Variants in SYNE1 observed in about 807,000 individuals in gnomAD.
The protein encoded by SYNE1 is spectrin repeat containing nuclear envelope protein 1.
SYNE1 carries 616 observed loss-of-function variants against 1,111.0 expected under a neutral mutation model. The observed-to-expected ratio is 0.55, with a 90% CI of 0.52 to 0.59. The LOEUF is 0.59. SYNE1 is among the 20% of genes least tolerant of loss of function. The probability of loss-of-function intolerance (pLI) is 0.00; values close to 1 mark genes in which losing one functional copy is unlikely to be tolerated. For missense variants in SYNE1, 10,006 were observed against 10,417.0 expected, an observed-to-expected ratio of 0.96 and a Z score of 1.72; for synonymous variants, 3,855 against 3,825.8, an observed-to-expected ratio of 1.01 and a Z score of -0.28.
chr6:152,510,611 T>A (rs2099080251), intron 7 of SYNE1, among the ~76,000 whole-genome samples: 1 of 152,138 alleles, frequency 6.6e-6, no homozygotes, highest in Admixed American at 6.6e-5. Flanking sequence ...ATTAATCAAC[T>A]AAAACCTAAT....
rs1194463600 is a variant in SYNE1 at position 152,330,604 on chromosome 6, A to T, written c.14081T>A (p.Phe4694Tyr). The T allele has an allele frequency of 6.2e-7, 1 of 1,613,448 alleles. No homozygotes were observed. Among genetic ancestry groups the T allele is most frequent in the Non-Finnish European group, 8.5e-7 (1 of 1,180,014 alleles). Reference sequence around the variant, plus strand: ...GGTGGGAACTTTGCTCATCCTCAAGAATTGGGCTTCAAGTTCACTCAGAGA... The same window carrying T: ...GGTGGGAACTTTGCTCATCCTCAAGTATTGGGCTTCAAGTTCACTCAGAGA... ...TQSLSELEAQ[F>Y]LRMSKVPTDL... The change falls in exon 78 of 146, where the codon TTC becomes TAC. Residue 4694 changes from phenylalanine (F) to tyrosine (Y), a missense_variant. Physicochemically the swap from Phe to Tyr is conservative, Grantham distance 22 (BLOSUM62 3). Transcript: ENST00000367255.
rs200455883 is a variant in SYNE1, at chr6:152,244,668, C to T, written c.19573-12G>A. On this transcript the variant is annotated splice_polypyrimidine_tract_variant and intron_variant, in intron 105 of 145. Transcript: ENST00000367255. ...GCCTGTTGTATTGCCTAAGTAAGAT[C>T]CATGACATTTTATTAAAACTCCCAT... The T allele has an allele frequency of 1.2e-6, 2 of 1,613,770 alleles. No homozygotes were observed. Among genetic ancestry groups the T allele is most frequent in the Non-Finnish European group, 1.7e-6 (2 of 1,179,796 alleles).
At chr6:152,253,875 C>T (rs1281137753) in intron 104 of SYNE1, among the ~76,000 whole-genome samples, 2 of 110,018 alleles carry the variant, frequency 1.8e-5, no homozygotes, top group Admixed American at 2.6e-4. Context: ...ATCAAAACTC[C>T]ACATGAAACT....
At chr6:152,563,311 C>G (rs911772106) in intron 3 of SYNE1, among the ~76,000 whole-genome samples, 3 of 152,116 alleles carry the variant, frequency 2.0e-5, no homozygotes, top group Non-Finnish European at 2.9e-5. Flanking sequence ...TCTATAAAAG[C>G]ATACTATTCT....
rs775408828 is a variant in SYNE1, at chr6:152,236,869, C to T, written c.20147G>A (p.Gly6716Asp). Residue 6716 changes from glycine (G) to aspartate (D), a missense_variant, in exon 109 of 146, where the codon GGT becomes GAT. By Grantham distance (94) the Gly-to-Asp change is moderately conservative. This residue lies in a region of SYNE1 where 2,182 missense variants were observed against 2,287.8 expected (regional missense o/e 0.95). Transcript: ENST00000367255. The part of the protein sequence containing the change: ...EVVESSIPSV[G>D]LVEENEDRLI... ...CCTGTCCTCGTTCTCCTCCACCAGA[C>T]CCACGCTTGGGATGCTGCTTTCCAC... The T allele has an allele frequency of 1.2e-6, 2 of 1,614,164 alleles. No individual in the cohort carries two copies. Among genetic ancestry groups the T allele is most frequent in the South Asian group, 1.1e-5 (1 of 91,088 alleles).
chr6:152,405,721 C>A (rs1273694175), intron 45 of SYNE1, among the ~76,000 whole-genome samples: 1 of 152,136 alleles, frequency 6.6e-6, no homozygotes, highest in African/African-American at 2.4e-5. Flanking sequence ...TAGTTTAGCA[C>A]CAGAGATAAC....
Position 152,494,331 on chromosome 6 carries a change from C to T in SYNE1, c.939+4411G>A, listed in dbSNP as rs558624437. Among the ~76,000 whole-genome samples, 138 of 152,256 alleles carry T rather than the reference C, an allele frequency of 9.1e-4. 1 individual carries two copies. The highest frequency in any genetic ancestry group is 7.5e-3 in the South Asian group (36 of 4,822). On this transcript the variant is annotated intron_variant, in intron 11 of 145. Transcript: ENST00000367255. ...GTTCCTGGCCTGGACTTCAATCTGG[C>T]CTCCCACATTATTCCTGCTACCACA...
intron 104 of SYNE1, among the ~76,000 whole-genome samples, chr6:152,253,876 A>ACAT (rs1023768625): frequency 1.7e-5 from 2 of 119,678 alleles, no homozygotes; most frequent in Admixed American, 2.1e-4. Flanking sequence ...TCAAAACTCC[A>ACAT]CATGAAACTC....
intron 3 of SYNE1, among the ~76,000 whole-genome samples, chr6:152,608,981 A>G (rs1275748713): frequency 2.0e-5 from 3 of 152,092 alleles, no homozygotes; most frequent in African/African-American, 7.2e-5. Context: ...CTGATTTTGA[A>G]AGATTTTTCC....
chr6:152,472,640 T>G, intron 14 of SYNE1: 1 of 702,902 alleles, frequency 1.4e-6, no homozygotes, highest in Non-Finnish European at 2.6e-6. Context: ...TATGCATCTT[T>G]TAAACACACA....
At chr6:152,505,508 G>GTC (rs927232066) in intron 8 of SYNE1, 111 bp from the exon 9 acceptor site, 35 of 1,174,406 alleles carry the variant, frequency 3.0e-5, no homozygotes, top group Non-Finnish European at 3.8e-5. Context: ...GCAGAGAGCT[G>GTC]TATCAGTTCA....
intron 27 of SYNE1, among the ~76,000 whole-genome samples, chr6:152,449,880 G>C (rs1417718462): frequency 6.6e-6 from 1 of 152,188 alleles, no homozygotes; most frequent in Non-Finnish European, 1.5e-5. Context: ...GGAAAAAGAT[G>C]TGTTCTAGGG....
At position 152,511,017 on chromosome 6, in the gene SYNE1, A is replaced by G. The variant is rs779839126; in HGVS notation, c.396T>C (p.Tyr132=). 1.9e-6 allele frequency: 3 copies of G among 1,613,830 alleles called. No homozygotes were observed. In the Admixed American group the frequency reaches 5.0e-5, roughly 27 times the overall value. Residue 132 remains tyrosine, a synonymous_variant, in exon 7 of 146, where the codon TAT becomes TAC. Coordinates refer to ENST00000367255, the MANE Select transcript of SYNE1 (RefSeq NM_182961.4). ...AGGAACTGTAGCACAATACCTGGAAATATAGAATAATGGTCCACATCAATC... is the reference window on the plus strand; with the variant it reads ...AGGAACTGTAGCACAATACCTGGAAGTATAGAATAATGGTCCACATCAATC... ...VLGLMWTIIL[Y]FQIEELTSNL...
At position 152,396,923 on chromosome 6, in the gene SYNE1, C is replaced by T; in HGVS notation, c.7408G>A (p.Gly2470Arg). ...GACAAATGTGCATACAAAGTTTGTC[C>T]TTCTTGAGTCACTGCATCAAGTTTG... is the stretch of plus-strand genomic sequence containing the variant. ...QSKLDAVTQEGQTLYAHLSKQ... is the reference protein window; with the variant it reads ...QSKLDAVTQERQTLYAHLSKQ... The change falls in exon 50 of 146, where the codon GGA becomes AGA. Residue 2470 changes from glycine to arginine, a missense_variant. Transcript: ENST00000367255. The T allele has an allele frequency of 6.2e-7, 1 of 1,614,136 alleles. No individual in the cohort carries two copies. Among genetic ancestry groups the T allele is most frequent in the Admixed American group, 1.7e-5 (1 of 60,014 alleles).
intron 136 of SYNE1, 48 bp downstream of exon 136, chr6:152,149,429 T>A: frequency 6.2e-7 from 1 of 1,611,022 alleles, no homozygotes; most frequent in Non-Finnish European, 8.5e-7. Flanking sequence ...CCCACACGAC[T>A]TATTCTCTTT....
At chr6:152,529,677 G>A (rs2099186568) in intron 4 of SYNE1, among the ~76,000 whole-genome samples, 2 of 152,190 alleles carry the variant, frequency 1.3e-5, no homozygotes, top group Admixed American at 6.5e-5. Context: ...GTGAAGTCCA[G>A]GAGAAACTAT....
intron 14 of SYNE1, among the ~76,000 whole-genome samples, chr6:152,477,274 T>C (rs1329038242): frequency 6.6e-6 from 1 of 151,742 alleles, no homozygotes; most frequent in Non-Finnish European, 1.5e-5. Context: ...GTTGAGATGA[T>C]GATAAATGCT....
At chr6:152,406,409 G>T (rs980599186) in intron 45 of SYNE1, among the ~76,000 whole-genome samples, 1 of 151,030 alleles carries the variant, frequency 6.6e-6, no homozygotes, top group Non-Finnish European at 1.5e-5. Flanking sequence ...CATATCCCCC[G>T]AAGAATGGGA....
At chr6:152,589,396 T>C (rs1565029945) in intron 3 of SYNE1, among the ~76,000 whole-genome samples, 1 of 152,188 alleles carries the variant, frequency 6.6e-6, no homozygotes, top group Non-Finnish European at 1.5e-5. Flanking sequence ...AGTCTTATTT[T>C]TTATGGTGGC....
Sources: allele counts gnomAD v4.1 joint callset (sites outside exome capture counted in the v4.1 genomes callset), GRCh38; gene constraint gnomAD v4.1.1; regional missense constraint gnomAD v4.1.1; transcripts MANE v1.5; gene names NCBI Gene and HGNC (gene_info 2026-07-23, HGNC 2026-07-21).